The following TRPM5 variants were observed in gnomAD, a reference collection of about 807,000 sequenced individuals.
TRPM5 encodes the protein MLSN1 and TRP-related.
A neutral mutation model predicts 124.9 loss-of-function variants in TRPM5; 121 were observed. The observed-to-expected ratio is 0.97, with a 90% CI of 0.84 to 1.13. TRPM5 has a LOEUF of 1.13. Ranked by LOEUF, TRPM5 falls within the 50% of genes most tolerant of loss-of-function variation. TRPM5 has a pLI of 0.00. For missense variants in TRPM5, 1,643 were observed against 1,589.1 expected (o/e 1.03, Z -0.58); for synonymous variants, 781 against 700.5 (o/e 1.11, Z -1.81).
At chr11:2,422,020 A>G (rs1213198729) in intron 2 of TRPM5, 121 bp downstream of exon 7, 5 of 949,452 alleles carry the variant, frequency 5.3e-6, no homozygotes, top group Non-Finnish European at 7.2e-6. Context: ...GTGGGGGGAC[A>G]GTCAGGGGGT....
upstream of TRPM5, among the ~76,000 whole-genome samples, chr11:2,426,588 G>A (rs985864064): frequency 2.6e-5 from 4 of 152,064 alleles, no homozygotes; most frequent in African/African-American, 7.2e-5. Context: ...CGGGGCACCT[G>A]TAGCCGCAGC....
In TRPM5 at chr11:2,414,892, G is replaced by T. The variant is rs746742097; in HGVS notation, c.1620+15C>A. 2.5e-6 allele frequency: 4 copies of T among 1,598,558 alleles called. No homozygotes were observed. The highest frequency in any genetic ancestry group is 2.7e-5 in the African/African-American group (2 of 74,732). On this transcript the variant is annotated intron_variant, in intron 10 of 23. Transcript: ENST00000155858. ...CCTCCCCTGCCCCCGCGCTGGGCCC[G>T]CGGCCTGGGCTCACCATGGCCCAGA...
Position 2,420,395 on chromosome 11 carries a change from G to T in TRPM5, c.476C>A (p.Pro159His), listed in dbSNP as rs1056094172. The T allele has an allele frequency of 3.1e-6, 5 of 1,609,128 alleles. No homozygotes were observed. Among genetic ancestry groups the T allele is most frequent in the Admixed American group, 1.7e-5 (1 of 59,864 alleles). The change falls in exon 4 of 24, where the codon CCT becomes CAT. Residue 159 changes from proline (P) to histidine (H), a missense_variant. Transcript: ENST00000155858. ...GCCGTCATCCTCAGGGTAGTGGACA[G>T]GAAAATCCTCCTGCGCCCATGCAGG...
chr11:2,411,812 C>T (rs946458642), intron 16 of TRPM5, 45 bp from the exon 22 acceptor site: 2 of 1,606,376 alleles, frequency 1.2e-6, no homozygotes. Context: ...CAGAGAGGGG[C>T]AGAGGCTTCC....
chr11:2,415,041 C>A (rs755955911), exon 10 of TRPM5: 1 of 1,601,390 alleles, frequency 6.2e-7, no homozygotes, highest in South Asian at 1.1e-5. Context: ...TTGGCCGGGC[C>A]CTTCTCCTGG....
At chr11:2,413,056 C>A (rs952492625) in intron 14 of TRPM5, 44 bp from the exon 20 acceptor site, 1 of 1,560,258 alleles carries the variant, frequency 6.4e-7, no homozygotes, top group Non-Finnish European at 8.7e-7. Flanking sequence ...GGCGCCCAGC[C>A]GGGTGCCCCA....
At chr11:2,407,633 G>T in intron 19 of TRPM5, 126 bp downstream of exon 24, 2 of 1,277,356 alleles carry the variant, frequency 1.6e-6, no homozygotes, top group Non-Finnish European at 2.2e-6. Context: ...CCTTCTATCT[G>T]CCCTGAGGCA....
At chr11:2,404,672 T>G in exon 24 of TRPM5, 1 of 503,328 alleles carries the variant, frequency 2.0e-6, no homozygotes, top group Non-Finnish European at 3.6e-6. Context: ...CAGGTAGGGA[T>G]GCGGTGGGGC....
exon 18 of TRPM5, chr11:2,411,359 C>T: frequency 6.3e-7 from 1 of 1,598,752 alleles, no homozygotes; most frequent in Non-Finnish European, 8.5e-7. Flanking sequence ...AACCATCAAT[C>T]TCGTCCAGTG....
At chr11:2,407,563 G>T (rs1030603212) in intron 19 of TRPM5, among the ~76,000 whole-genome samples, 196 bp downstream of exon 24, 2 of 152,234 alleles carry the variant, frequency 1.3e-5, no homozygotes, top group African/African-American at 4.8e-5. Context: ...GGGACTGGGA[G>T]GGTGGCCCAC....
chr11:2,419,671 T>C (rs1236172365), intron 4 of TRPM5, among the ~76,000 whole-genome samples: 1 of 152,130 alleles, frequency 6.6e-6, no homozygotes, highest in East Asian at 1.9e-4. Flanking sequence ...GCCAAGAAAT[T>C]ACAATTCTGT....
chr11:2,414,979 G>A (rs955851754), exon 10 of TRPM5: 1 of 1,607,372 alleles, frequency 6.2e-7, no homozygotes, highest in Non-Finnish European at 8.5e-7. Flanking sequence ...CCCGCCAGGG[G>A]TTCTCGCTCT....
chr11:2,404,914 C>T, exon 24 of TRPM5: 1 of 1,593,528 alleles, frequency 6.3e-7, no homozygotes, highest in Non-Finnish European at 8.6e-7. Flanking sequence ...AGAGGTGGCC[C>T]CACACGTGGC....
At chr11:2,412,029 G>A in intron 16 of TRPM5, 106 bp downstream of exon 21, 2 of 1,063,374 alleles carry the variant, frequency 1.9e-6, no homozygotes, top group Non-Finnish European at 2.8e-6. Flanking sequence ...AGCCTCCTGA[G>A]TAGCTGGGAC....
At chr11:2,420,875 G>A (rs1258702575) in intron 3 of TRPM5, 157 bp downstream of exon 8, 2 of 856,470 alleles carry the variant, frequency 2.3e-6, no homozygotes, top group African/African-American at 1.8e-5. Context: ...TCCCTATGCG[G>A]TACTGCCACC....
At chr11:2,429,711 G>T in the TRPM5 span, among the ~76,000 whole-genome samples, 1 of 152,020 alleles carries the variant, frequency 6.6e-6, no homozygotes, top group African/African-American at 2.4e-5. The surrounding 1 kb of genome is among the most constrained non-coding windows in gnomAD (Gnocchi z 8.4). Flanking sequence ...GATGGTGGTG[G>T]TGATGGCAGT....
At chr11:2,436,060 C>T in the TRPM5 span, among the ~76,000 whole-genome samples, 6 of 152,366 alleles carry the variant, frequency 3.9e-5, no homozygotes, top group South Asian at 2.1e-4. Flanking sequence ...CCTCACCTTC[C>T]GCTCCCCTGA....
At chr11:2,444,163 G>C in the TRPM5 span, among the ~76,000 whole-genome samples, 7 of 151,674 alleles carry the variant, frequency 4.6e-5, no homozygotes, top group Non-Finnish European at 1.0e-4. Flanking sequence ...GTACCTGACA[G>C]TGGTGGTCCC....
the TRPM5 span, among the ~76,000 whole-genome samples, chr11:2,441,534 G>A: frequency 6.6e-6 from 1 of 151,916 alleles, no homozygotes; most frequent in South Asian, 2.1e-4. The surrounding 1 kb of genome is among the most constrained non-coding windows in gnomAD (Gnocchi z 7.2). Context: ...CTTGGAGCTT[G>A]CAGGGAGCTT....
Sources: allele counts gnomAD v4.1 joint callset (sites outside exome capture counted in the v4.1 genomes callset), GRCh38; gene constraint gnomAD v4.1.1; non-coding constraint Gnocchi (gnomAD v3.1); transcripts MANE v1.5; gene names NCBI Gene and HGNC (gene_info 2026-07-23, HGNC 2026-07-21).